Variants in CENPC observed in about 807,000 individuals in gnomAD.
CENPC encodes CENP-C 1.
A neutral mutation model predicts 112.1 loss-of-function variants in CENPC; 63 were observed. The observed-to-expected ratio is 0.56, with a 90% CI of 0.46 to 0.69. CENPC has a LOEUF of 0.69. Ranked by LOEUF, CENPC falls within the 30% of genes least tolerant of loss-of-function variation. The pLI, the probability that CENPC is intolerant of heterozygous loss-of-function variation, is 0.00. For synonymous variants in CENPC, 333 were observed against 367.6 expected, an observed-to-expected ratio of 0.91 and a Z score of 1.08; for missense variants, 1,000 against 1,103.8, an observed-to-expected ratio of 0.91 and a Z score of 1.33.
chr4:67,539,777 A>C, intron 4 of CENPC, 63 bp downstream of exon 4: 1 of 794,014 alleles, frequency 1.3e-6, no homozygotes, highest in Non-Finnish European at 2.0e-6. Flanking sequence ...ATACATGAGT[A>C]TATTGTGTAT....
chr4:67,525,535 A>C (rs1269590948), intron 5 of CENPC, among the ~76,000 whole-genome samples: 2 of 152,238 alleles, frequency 1.3e-5, no homozygotes, highest in East Asian at 1.9e-4. Context: ...TCTCAGAAGA[A>C]GACATTTACA....
intron 15 of CENPC, 140 bp downstream of exon 15, chr4:67,492,729 G>A (rs1032137669): frequency 6.4e-6 from 8 of 1,244,076 alleles, no homozygotes; most frequent in Non-Finnish European, 6.3e-6. Flanking sequence ...GAAGAAAGTA[G>A]ACATTAAAAA....
At chr4:67,499,091 C>A (rs980231336) in intron 12 of CENPC, among the ~76,000 whole-genome samples, 1 of 152,144 alleles carries the variant, frequency 6.6e-6, no homozygotes, top group Non-Finnish European at 1.5e-5. Flanking sequence ...TGGTGCATTG[C>A]CATGGATGTG....
intron 5 of CENPC, among the ~76,000 whole-genome samples, chr4:67,523,195 C>T (rs948462600): frequency 1.3e-5 from 2 of 152,064 alleles, no homozygotes; most frequent in African/African-American, 4.8e-5. Flanking sequence ...TGCCTGTAAT[C>T]CCAGCTACTC....
At position 67,468,943 on chromosome 4, in the gene CENPC, A is replaced by G. The variant is rs548794578; in HGVS notation, c.*3662T>C. On this transcript the variant is annotated 3_prime_UTR_variant, in exon 19 of 19. Coordinates refer to ENST00000273853, the MANE Select transcript of CENPC (RefSeq NM_001812.4). ...TATATTATTCCATTGCTACAACAAT[A>G]TATAAGTGACAATATTACAGAGATG... 6.6e-6 allele frequency: 1 copy of G among 152,226 alleles called. No individual in the cohort carries two copies. Among genetic ancestry groups the G allele is most frequent in the Non-Finnish European group, 1.5e-5 (1 of 68,038 alleles). The allele number at this position is 152,226 out of a possible 1,614,324, so 9.4% of individuals were successfully genotyped here.
rs745802714 is a variant in CENPC at position 67,506,813 on chromosome 4, G to T, written c.2026C>A (p.His676Asn). Residue 676 changes from histidine to asparagine, a missense_variant, in exon 11 of 19, where the codon CAT becomes AAT. Physicochemically the swap from His to Asn is moderately conservative, Grantham distance 68 (BLOSUM62 1). Coordinates refer to ENST00000273853, the MANE Select transcript of CENPC (RefSeq NM_001812.4). ...PTESNLDSGE[H>N]KTSVLEESGP... The stretch of plus-strand genomic sequence containing the variant: ...CTTTCCTCTAAAACTGAAGTCTTAT[G>T]CTCTCCAGAATCCAAGTTTGACTCT... 2.4e-5 allele frequency: 38 copies of T among 1,607,438 alleles called. No individual in the cohort carries two copies. Among genetic ancestry groups the T allele is most frequent in the Non-Finnish European group, 3.1e-5 (37 of 1,177,104 alleles).
At chr4:67,530,425 C>CT (rs201951277) in intron 5 of CENPC, among the ~76,000 whole-genome samples, 317 of 144,572 alleles carry the variant, frequency 2.2e-3, no homozygotes, top group Admixed American at 6.2e-3. Flanking sequence ...AACACACATG[C>CT]TTTTTTTTTT....
At chr4:67,493,317 A>G (rs1560424414) in intron 14 of CENPC, 1 of 179,986 alleles carries the variant, frequency 5.6e-6, no homozygotes, top group South Asian at 1.4e-4. Flanking sequence ...AGAAATCCAC[A>G]TGAGTTTAGT....
chr4:67,510,418 TCTC>T (rs1725862434), intron 9 of CENPC, among the ~76,000 whole-genome samples: 1 of 152,150 alleles, frequency 6.6e-6, no homozygotes, highest in African/African-American at 2.4e-5. Flanking sequence ...TCTCTACTTC[TCTC>T]CTCCAGCAGA....
intron 9 of CENPC, among the ~76,000 whole-genome samples, chr4:67,509,876 A>G (rs1334761206): frequency 2.0e-5 from 3 of 152,306 alleles, no homozygotes; most frequent in East Asian, 3.9e-4. Flanking sequence ...CTGCTTAATT[A>G]AAGTATTTTA....
chr4:67,481,990 GA>G (rs1724971015), intron 17 of CENPC, among the ~76,000 whole-genome samples: 2 of 152,080 alleles, frequency 1.3e-5, no homozygotes, highest in Non-Finnish European at 2.9e-5. Flanking sequence ...AACCCAGAGT[GA>G]AAGAAAATAT....
chr4:67,476,777 G>A (rs1445810985), intron 17 of CENPC, among the ~76,000 whole-genome samples: 2 of 152,202 alleles, frequency 1.3e-5, no homozygotes, highest in Admixed American at 6.5e-5. Context: ...ATAGCCTAGC[G>A]CAAAATGTCA....
At chr4:67,502,876 T>C (rs982406553) in intron 12 of CENPC, among the ~76,000 whole-genome samples, 16 of 152,076 alleles carry the variant, frequency 1.1e-4, no homozygotes, top group African/African-American at 3.9e-4. Context: ...GACTTTACCC[T>C]CAAAAATACC....
In CENPC at chr4:67,545,322, G is replaced by C. The variant is rs1156586591; in HGVS notation, c.18+16C>G. ...GCCGCTCAACCACTCGCCTGGAGCGGGGGGCCTGCACTTACCAGACCGGAC... is the reference window on the plus strand; with the variant it reads ...GCCGCTCAACCACTCGCCTGGAGCGCGGGGCCTGCACTTACCAGACCGGAC... On this transcript the variant is annotated intron_variant, in intron 1 of 18. Coordinates refer to ENST00000273853, the MANE Select transcript of CENPC (RefSeq NM_001812.4). The C allele has an allele frequency of 7.5e-6, 11 of 1,471,364 alleles. No individual in the cohort carries two copies. The highest frequency in any genetic ancestry group is 1.4e-5 in the African/African-American group (1 of 69,242). 91.1% of individuals were successfully genotyped at this position (1,471,364 alleles called of 1,614,324 possible).
intron 4 of CENPC, among the ~76,000 whole-genome samples, chr4:67,537,249 A>G (rs1353626): frequency 0.63 from 96,153 of 152,004 alleles, 30,664 homozygotes; most frequent in East Asian, 0.81. Flanking sequence ...TACTGAAACT[A>G]TTAAGTAAAA....
At chr4:67,492,342 A>G in intron 15 of CENPC, 67 bp from the exon 16 acceptor site, 1 of 977,278 alleles carries the variant, frequency 1.0e-6, no homozygotes, top group Non-Finnish European at 1.5e-6. Flanking sequence ...CAAAAAGTTC[A>G]GTACAAAATA....
chr4:67,523,915 C>A (rs1726299983), intron 5 of CENPC, among the ~76,000 whole-genome samples: 1 of 151,418 alleles, frequency 6.6e-6, no homozygotes, highest in Non-Finnish European at 1.5e-5. Context: ...ACACTGGAAC[C>A]AAAGTAAGAG....
intron 13 of CENPC, among the ~76,000 whole-genome samples, chr4:67,494,292 T>C (rs1226893103): frequency 6.6e-6 from 1 of 152,210 alleles, no homozygotes; most frequent in African/African-American, 2.4e-5. Flanking sequence ...TGTTGGCTTA[T>C]CTTCAAATTC....
chr4:67,492,824 A>G (rs763886574), intron 15 of CENPC, 45 bp downstream of exon 15: 10 of 1,484,908 alleles, frequency 6.7e-6, no homozygotes, highest in Non-Finnish European at 9.0e-6. Flanking sequence ...AAGTACTCCT[A>G]TTTAAAATAA....
Sources: gnomAD v4.1 joint callset for allele counts (sites outside exome capture counted in the v4.1 genomes callset) on GRCh38, gnomAD v4.1.1 for gene constraint, MANE v1.5 for transcripts, NCBI Gene and HGNC (gene_info 2026-07-23, HGNC 2026-07-21) for gene names.